Variants in CDK6 observed in about 807,000 individuals in gnomAD.
CDK6 encodes the protein cyclin dependent kinase 6, also known as cyclin-dependent kinase 6.
A neutral mutation model predicts 37.1 loss-of-function variants in CDK6; 6 were observed. The observed-to-expected ratio is 0.16, with a 90% CI of 0.09 to 0.32. CDK6 has a LOEUF of 0.32. Ranked by LOEUF, CDK6 falls within the 10% of genes least tolerant of loss-of-function variation. CDK6 has a pLI of 1.00. For missense variants in CDK6, 224 were observed against 418.9 expected, an observed-to-expected ratio of 0.53 and a Z score of 4.06; for synonymous variants, 160 against 161.3, an observed-to-expected ratio of 0.99 and a Z score of 0.06.
At chr7:92,656,119 A>G (rs1796692588) in intron 5 of CDK6, among the ~76,000 whole-genome samples, 1 of 152,154 alleles carries the variant, frequency 6.6e-6, no homozygotes, top group Non-Finnish European at 1.5e-5. Flanking sequence ...AAGAGAAGGA[A>G]GAGAAGGAGG....
At chr7:92,704,922 A>G (rs535937624) in intron 4 of CDK6, among the ~76,000 whole-genome samples, 3 of 152,218 alleles carry the variant, frequency 2.0e-5, no homozygotes, top group Non-Finnish European at 4.4e-5. Context: ...ATTATTTTCT[A>G]AAGTAGAGTA....
At chr7:92,646,709 G>C (rs981551779) in intron 5 of CDK6, among the ~76,000 whole-genome samples, 2 of 152,014 alleles carry the variant, frequency 1.3e-5, no homozygotes, top group Admixed American at 6.6e-5. Flanking sequence ...GCACCTGGTA[G>C]GTTTTCAAAG....
At chr7:92,734,252 G>A (rs978649786) in intron 3 of CDK6, among the ~76,000 whole-genome samples, 10 of 152,022 alleles carry the variant, frequency 6.6e-5, no homozygotes, top group Non-Finnish European at 1.2e-4. Context: ...CCACTATAGC[G>A]GGTCTGGTCC....
chr7:92,815,175 T>C (rs1209876298), intron 2 of CDK6, among the ~76,000 whole-genome samples: 1 of 152,190 alleles, frequency 6.6e-6, no homozygotes, highest in Admixed American at 6.5e-5. Flanking sequence ...CCTATTGCCA[T>C]CCCTGTACCT....
chr7:92,737,114 C>T (rs1425018472), intron 3 of CDK6, among the ~76,000 whole-genome samples: 1 of 152,062 alleles, frequency 6.6e-6, no homozygotes, highest in African/African-American at 2.4e-5. Flanking sequence ...GTGTAAACCT[C>T]CCAGTTTGGG....
intron 3 of CDK6, among the ~76,000 whole-genome samples, chr7:92,767,186 A>T (rs1799603573): frequency 6.6e-6 from 1 of 152,224 alleles, no homozygotes; most frequent in Non-Finnish European, 1.5e-5. Flanking sequence ...GTTAGGATAC[A>T]TACACATGCA....
At chr7:92,692,777 G>A (rs916056944) in intron 4 of CDK6, among the ~76,000 whole-genome samples, 5 of 152,170 alleles carry the variant, frequency 3.3e-5, no homozygotes, top group Non-Finnish European at 7.3e-5. Flanking sequence ...TATGGAGTAA[G>A]ACTGTGTCTC....
intron 2 of CDK6, 94 bp from the exon 3 acceptor site, chr7:92,774,925 G>GA (rs1799811510): frequency 6.2e-5 from 70 of 1,125,084 alleles, no homozygotes; most frequent in Admixed American, 1.1e-4. Context: ...TCTCATAATA[G>GA]AAAAAAAAGG....
At chr7:92,740,265 G>T (rs1798888662) in intron 3 of CDK6, among the ~76,000 whole-genome samples, 1 of 152,150 alleles carries the variant, frequency 6.6e-6, no homozygotes, top group Non-Finnish European at 1.5e-5. Context: ...CTGTTGCAAT[G>T]CTATTTGCTT....
chr7:92,664,013 C>T (rs181621864), intron 5 of CDK6, among the ~76,000 whole-genome samples: 11 of 148,790 alleles, frequency 7.4e-5, no homozygotes, highest in Admixed American at 3.3e-4. Context: ...CGGGGGCAGG[C>T]GCCTGTAGTC....
intron 2 of CDK6, among the ~76,000 whole-genome samples, chr7:92,830,168 A>G (rs2116018398): frequency 6.6e-6 from 1 of 152,352 alleles, no homozygotes; most frequent in East Asian, 1.9e-4. Flanking sequence ...AAAAAAGAGT[A>G]AATTTACTTC....
intron 2 of CDK6, among the ~76,000 whole-genome samples, chr7:92,813,770 G>A (rs1356946851): frequency 6.6e-6 from 1 of 152,114 alleles, no homozygotes; most frequent in Non-Finnish European, 1.5e-5. Context: ...GAGGAACATG[G>A]GGGGAAATGC....
rs183843761 is a variant in CDK6, at chr7:92,645,447, T to C, written c.648-22361A>G. ...AATAAAGTCTGACCCAAGCTTCACCTGATATGCAGTTTCTATCTTGCTGAG... is the reference window on the plus strand; with the variant it reads ...AATAAAGTCTGACCCAAGCTTCACCCGATATGCAGTTTCTATCTTGCTGAG... On this transcript the variant is annotated intron_variant, in intron 5 of 7. Coordinates refer to ENST00000424848, the MANE Select transcript of CDK6 (RefSeq NM_001145306.2). 2.1e-3 allele frequency among the ~76,000 whole-genome samples: 323 copies of C among 152,380 alleles called. 1 individual carries two copies. Among genetic ancestry groups the C allele is most frequent in the South Asian group, 5.0e-3 (24 of 4,830 alleles).
At chr7:92,729,990 C>A (rs1006026058) in intron 3 of CDK6, among the ~76,000 whole-genome samples, 1 of 152,198 alleles carries the variant, frequency 6.6e-6, no homozygotes, top group Non-Finnish European at 1.5e-5. Flanking sequence ...TGAATCCTTC[C>A]GCCTTGGCCT....
intron 5 of CDK6, among the ~76,000 whole-genome samples, chr7:92,647,876 A>G (rs1388438089): frequency 6.6e-6 from 1 of 152,218 alleles, no homozygotes; most frequent in Non-Finnish European, 1.5e-5. Context: ...ATTTCTGCAC[A>G]TCTTGCAAGT....
intron 4 of CDK6, among the ~76,000 whole-genome samples, chr7:92,692,650 T>C (rs796602903): frequency 2.0e-5 from 3 of 152,170 alleles, no homozygotes; most frequent in African/African-American, 7.2e-5. Flanking sequence ...CTGGGTGTGG[T>C]GGTGCGTGCC....
intron 2 of CDK6, among the ~76,000 whole-genome samples, chr7:92,829,541 C>T (rs1037613968): frequency 6.6e-6 from 1 of 152,158 alleles, no homozygotes; most frequent in Non-Finnish European, 1.5e-5. Context: ...GTATGATTTA[C>T]CCTGGTATCT....
At chr7:92,783,033 C>T (rs1452799085) in intron 2 of CDK6, among the ~76,000 whole-genome samples, 2 of 152,094 alleles carry the variant, frequency 1.3e-5, no homozygotes, top group Non-Finnish European at 2.9e-5. Flanking sequence ...AAGTAGCCGA[C>T]AGCAGAGAAC....
chr7:92,617,989 A>G (rs970742661), intron 7 of CDK6, 83 bp downstream of exon 7: 1 of 1,405,802 alleles, frequency 7.1e-7, no homozygotes, highest in East Asian at 2.3e-5. Flanking sequence ...TACTGAACTG[A>G]TATTTGTGCC....
Sources: allele counts gnomAD v4.1 joint callset (sites outside exome capture counted in the v4.1 genomes callset), GRCh38; gene constraint gnomAD v4.1.1; transcripts MANE v1.5; gene names NCBI Gene and HGNC (gene_info 2026-07-23, HGNC 2026-07-21).